CFTR: variants seen among roughly 807,000 people sequenced by gnomAD.
CFTR encodes the protein cystic fibrosis transmembrane conductance regulator.
Under a neutral mutation model 171.6 loss-of-function variants are expected in CFTR, and 181 were observed. The observed-to-expected ratio is 1.05, with a 90% CI of 0.93 to 1.19. CFTR has a LOEUF of 1.19. CFTR is among the 50% of genes most tolerant of loss of function. The pLI is 0.00. For synonymous variants in CFTR, 583 were observed against 608.0 expected (o/e 0.96, Z 0.60); for missense variants, 1,968 against 1,734.7 (o/e 1.13, Z -2.39).
chr7:117,513,318 A>G (rs1240021851), intron 3 of CFTR, among the ~76,000 whole-genome samples: 2 of 152,034 alleles, frequency 1.3e-5, no homozygotes, highest in African/African-American at 2.4e-5. Flanking sequence ...AGACTTGGGT[A>G]GCAAAGGGGG....
At chr7:117,497,084 G>A (rs1255882189) in intron 1 of CFTR, among the ~76,000 whole-genome samples, 1 of 151,948 alleles carries the variant, frequency 6.6e-6, no homozygotes, top group Non-Finnish European at 1.5e-5. Context: ...AAAATTAGTT[G>A]TAATATGGCA....
intron 24 of CFTR, 121 bp from the exon 25 acceptor site, chr7:117,664,567 G>C (rs555613594): frequency 1.7e-4 from 150 of 868,168 alleles, no homozygotes; most frequent in South Asian, 1.4e-3. Flanking sequence ...GGCAGGTAGT[G>C]GGGGTAGAGG....
At chr7:117,635,151 T>A (rs981578737) in intron 22 of CFTR, among the ~76,000 whole-genome samples, 3 of 152,168 alleles carry the variant, frequency 2.0e-5, no homozygotes, top group Non-Finnish European at 2.9e-5. Flanking sequence ...AACATACACA[T>A]GAAGAATTGG....
intron 20 of CFTR, among the ~76,000 whole-genome samples, chr7:117,613,773 C>T (rs1337210497): frequency 6.6e-6 from 1 of 151,986 alleles, no homozygotes; most frequent in Non-Finnish European, 1.5e-5. Context: ...AATTATTTCT[C>T]CCAATTGTAG....
At chr7:117,542,137 T>C in intron 9 of CFTR, 29 bp downstream of exon 9, 1 of 1,031,414 alleles carries the variant, frequency 9.7e-7, no homozygotes, top group Non-Finnish European at 1.5e-6. Context: ...TTGTTTGCTC[T>C]AAACACCTAA....
intron 1 of CFTR, among the ~76,000 whole-genome samples, chr7:117,480,776 C>T (rs938113077): frequency 6.6e-6 from 1 of 152,090 alleles, no homozygotes; most frequent in Non-Finnish European, 1.5e-5. Flanking sequence ...GGAATAGATA[C>T]CGAAGTTATA....
Position 117,480,150 on chromosome 7 carries a change from G to A in CFTR, c.53+3G>A. ...GTTGTCTCCAAACTTTTTTTCAGGT[G>A]AGAAGGTGGCCAACCGAGCTTCGGA... is the stretch of plus-strand genomic sequence containing the variant. On this transcript the variant is annotated splice_donor_region_variant and intron_variant, in intron 1 of 26. Coordinates refer to ENST00000003084, the MANE Select transcript of CFTR (RefSeq NM_000492.4). 1.2e-6 allele frequency: 2 copies of A among 1,613,872 alleles called. No individual in the cohort carries two copies. The highest frequency in any genetic ancestry group is 1.7e-6 in the Non-Finnish European group (2 of 1,179,838).
At chr7:117,568,121 C>G (rs1791632166) in intron 11 of CFTR, among the ~76,000 whole-genome samples, 1 of 152,054 alleles carries the variant, frequency 6.6e-6, no homozygotes, top group Non-Finnish European at 1.5e-5. Flanking sequence ...GAGCCTGGAC[C>G]CAAGAGAGCA....
intron 3 of CFTR, among the ~76,000 whole-genome samples, chr7:117,516,334 T>C (rs921315107): frequency 4.6e-5 from 7 of 152,162 alleles, no homozygotes; most frequent in African/African-American, 1.7e-4. Context: ...GACCTCAGTT[T>C]CCTTAACTGT....
chr7:117,641,656 T>C (rs1006058374), intron 22 of CFTR, among the ~76,000 whole-genome samples: 12 of 152,170 alleles, frequency 7.9e-5, no homozygotes, highest in African/African-American at 2.9e-4. Flanking sequence ...TAAGCTGACA[T>C]CAGAACACAG....
chr7:117,536,430 A>G lies in CFTR; in HGVS notation c.744-118A>G, dbSNP rs1798956457. On this transcript the variant is annotated intron_variant, in intron 6 of 26. Transcript: ENST00000003084. ...TTGTTACCATCTATTTGATAATAAA[A>G]TAATGCCCATCTGTTGAATAAAAGA... 4 of 1,019,848 alleles carry G rather than the reference A, an allele frequency of 3.9e-6. No homozygotes were observed. The Admixed American group carries it at 6.1e-5, about 16-fold the overall frequency. The allele number at this position is 1,019,848 out of a possible 1,614,324, so 63.2% of individuals were successfully genotyped here. A position where few individuals can be genotyped will look rare whatever the true frequency, so the allele number is the denominator to read the frequency against.
rs146795445 is a variant in CFTR at position 117,642,595 on chromosome 7, T to C, written c.3873+2T>C. On this transcript the variant is annotated splice_donor_variant, in intron 23 of 26. Transcript: ENST00000003084. LOFTEE classifies it high-confidence loss of function. ...AAAGCCTTTGGAGTGATACCACAGG[T>C]GAGCAAAAGGACTTAGCCAGAAAAA... is the stretch of plus-strand genomic sequence containing the variant. 1.2e-6 allele frequency: 2 copies of C among 1,613,258 alleles called. No homozygotes were observed. The highest frequency in any genetic ancestry group is 1.7e-6 in the Non-Finnish European group (2 of 1,179,510).
intron 13 of CFTR, among the ~76,000 whole-genome samples, 168 bp downstream of exon 13, chr7:117,590,607 G>C (rs1170728978): frequency 6.6e-6 from 1 of 151,982 alleles, no homozygotes; most frequent in Admixed American, 6.6e-5. Flanking sequence ...ACTGGGCCAG[G>C]ATTCAAGATT....
intron 3 of CFTR, among the ~76,000 whole-genome samples, chr7:117,513,210 G>A (rs1334038594): frequency 6.6e-6 from 1 of 152,128 alleles, no homozygotes; most frequent in South Asian, 2.1e-4. Flanking sequence ...CAGTATGGAA[G>A]CTTGTATACC....
At chr7:117,666,756 G>C (rs1371611167) in intron 26 of CFTR, 152 bp from the exon 27 acceptor site, 3 of 724,834 alleles carry the variant, frequency 4.1e-6, no homozygotes, top group Non-Finnish European at 7.5e-6. Flanking sequence ...GGACACAGCA[G>C]TTAAATGTGA....
chr7:117,551,830 CA>C (rs1799276428), intron 10 of CFTR, among the ~76,000 whole-genome samples: 1 of 152,154 alleles, frequency 6.6e-6, no homozygotes, highest in Non-Finnish European at 1.5e-5. Context: ...GTCTGCATCA[CA>C]GCTGAAGCAG....
At chr7:117,488,952 A>G (rs756441601) in intron 1 of CFTR, among the ~76,000 whole-genome samples, 16 of 151,998 alleles carry the variant, frequency 1.1e-4, no homozygotes, top group Non-Finnish European at 2.2e-4. Context: ...TACTCCTGTG[A>G]CCTCAGCTGA....
chr7:117,667,226 A>G lies in CFTR; in HGVS notation c.*118A>G. On this transcript the variant is annotated 3_prime_UTR_variant, in exon 27 of 27. Coordinates refer to ENST00000003084, the MANE Select transcript of CFTR (RefSeq NM_000492.4). Reference sequence around the variant, plus strand: ...ACCTCTGCCTCAGAAAACAAGGATGAATTAAGTTTTTTTTTAAAAAAGAAA... The same window carrying G: ...ACCTCTGCCTCAGAAAACAAGGATGGATTAAGTTTTTTTTTAAAAAAGAAA... 2 of 939,072 alleles carry G rather than the reference A, an allele frequency of 2.1e-6. No individual in the cohort carries two copies. Among genetic ancestry groups the G allele is most frequent in the South Asian group, 2.8e-5 (2 of 71,116 alleles). The allele number at this position is 939,072 out of a possible 1,614,324, so 58.2% of individuals were successfully genotyped here.
intron 24 of CFTR, among the ~76,000 whole-genome samples, chr7:117,661,904 G>A (rs1429215184): frequency 6.6e-6 from 1 of 150,978 alleles, no homozygotes; most frequent in Non-Finnish European, 1.5e-5. Flanking sequence ...GAGCTGAGGA[G>A]GGCAGATTCA....
Sources: gnomAD v4.1 joint callset for allele counts (sites outside exome capture counted in the v4.1 genomes callset) on GRCh38, gnomAD v4.1.1 for gene constraint, MANE v1.5 for transcripts, NCBI Gene and HGNC (gene_info 2026-07-23, HGNC 2026-07-21) for gene names.